Variants in SGCG observed in about 807,000 individuals in gnomAD.
SGCG encodes gamma-sarcoglycan.
Under a neutral mutation model 29.3 loss-of-function variants are expected in SGCG, and 26 were observed. The ratio of observed to expected loss-of-function variants is 0.89; its 90% CI spans 0.65 to 1.23. SGCG has a LOEUF of 1.23. SGCG is among the 50% of genes most tolerant of loss of function. The pLI is 0.00. For synonymous variants in SGCG, 145 were observed against 129.7 expected (o/e 1.12, Z -0.80); for missense variants, 353 against 356.0 (o/e 0.99, Z 0.07).
At chr13:23,319,451 G>A (rs1344730367) in intron 6 of SGCG, among the ~76,000 whole-genome samples, 2 of 152,050 alleles carry the variant, frequency 1.3e-5, no homozygotes, top group Non-Finnish European at 2.9e-5. Context: ...TTCAAAATGT[G>A]GGGCAGGTCA....
intron 3 of SGCG, among the ~76,000 whole-genome samples, chr13:23,239,235 A>G (rs1481540512): frequency 6.6e-6 from 1 of 152,144 alleles, no homozygotes; most frequent in Non-Finnish European, 1.5e-5. Flanking sequence ...CTAGAGAAAA[A>G]GGATATATAA....
the SGCG span, chr13:23,170,524 G>A: frequency 1.3e-5 from 2 of 152,252 alleles, no homozygotes; most frequent in Admixed American, 6.5e-5. Context: ...CTGCCTATGA[G>A]TCTTCAAACA....
chr13:23,214,054 G>T (rs969415445), intron 2 of SGCG, among the ~76,000 whole-genome samples: 1 of 152,166 alleles, frequency 6.6e-6, no homozygotes. Flanking sequence ...CTTAAAGCTT[G>T]AAACTTACAT....
Position 23,284,583 on chromosome 13 carries a change from T to A in SGCG, c.505+5105T>A, listed in dbSNP as rs1881426771. On this transcript the variant is annotated intron_variant, in intron 5 of 7. Coordinates refer to ENST00000218867, the MANE Select transcript of SGCG (RefSeq NM_000231.3). The stretch of plus-strand genomic sequence containing the variant: ...TTAGCTCAGACAAGCTTGTTATTAC[T>A]CACCTTCTGAAGCCTACTTCTGTTC... Among the ~76,000 whole-genome samples, 4 of 152,222 alleles carry A rather than the reference T, an allele frequency of 2.6e-5. No homozygotes were observed. The South Asian group carries it at 8.3e-4, about 32-fold the overall frequency.
chr13:23,258,979 G>A (rs989345090), intron 4 of SGCG, among the ~76,000 whole-genome samples: 1 of 152,102 alleles, frequency 6.6e-6, no homozygotes, highest in African/African-American at 2.4e-5. Flanking sequence ...TTGCATCGAT[G>A]TTCATCAGGG....
At chr13:23,262,903 G>T (rs1329358210) in intron 4 of SGCG, among the ~76,000 whole-genome samples, 2 of 152,000 alleles carry the variant, frequency 1.3e-5, no homozygotes, top group African/African-American at 2.4e-5. Context: ...GCTCCTGAAT[G>T]ATTTTGGGGT....
At chr13:23,269,874 G>GTTTTTTTTTTTTT (rs796558128) in intron 4 of SGCG, among the ~76,000 whole-genome samples, 1 of 97,510 alleles carries the variant, frequency 1.0e-5, no homozygotes, top group African/African-American at 3.2e-5. Context: ...TGTTTTTTTT[G>GTTTTTTTTTTTTT]TTTTTTTTGT....
At chr13:23,165,088 G>T in the SGCG span, among the ~76,000 whole-genome samples, 7 of 152,198 alleles carry the variant, frequency 4.6e-5, no homozygotes, top group African/African-American at 1.7e-4. Context: ...AGGACTTTCT[G>T]AGAGAGATGG....
chr13:23,216,089 A>T (rs1264263266), intron 2 of SGCG, among the ~76,000 whole-genome samples: 1 of 152,198 alleles, frequency 6.6e-6, no homozygotes, highest in Non-Finnish European at 1.5e-5. Flanking sequence ...CAGAATTATC[A>T]TGGACATTCC....
intron 2 of SGCG, among the ~76,000 whole-genome samples, chr13:23,222,490 C>CT (rs36174998): frequency 4.0e-5 from 5 of 124,512 alleles, no homozygotes; most frequent in East Asian, 2.5e-4. Context: ...TCAATCAGCA[C>CT]TTTTTTTTAC....
chr13:23,174,999 A>G, the SGCG span, among the ~76,000 whole-genome samples: 4 of 152,178 alleles, frequency 2.6e-5, no homozygotes. Flanking sequence ...GCAACAGTGC[A>G]CTCAGTTAAA....
At chr13:23,200,467 A>G (rs1877698793) in intron 1 of SGCG, among the ~76,000 whole-genome samples, 1 of 152,290 alleles carries the variant, frequency 6.6e-6, no homozygotes, top group East Asian at 1.9e-4. Context: ...TTTTCCTTTC[A>G]ACATTTGTAT....
chr13:23,223,170 C>T (rs1450262667), intron 2 of SGCG, among the ~76,000 whole-genome samples: 1 of 150,564 alleles, frequency 6.6e-6, no homozygotes, highest in African/African-American at 2.4e-5. Flanking sequence ...TCCAGCTACT[C>T]TGGAGGCTGA....
chr13:23,160,634 A>G, the SGCG span, among the ~76,000 whole-genome samples: 1 of 152,132 alleles, frequency 6.6e-6, no homozygotes, highest in East Asian at 1.9e-4. Context: ...CGGGACTCCA[A>G]GAAGTACAGC....
At chr13:23,188,480 A>ATTTT (rs71218545) in intron 1 of SGCG, among the ~76,000 whole-genome samples, 20 of 120,472 alleles carry the variant, frequency 1.7e-4, no homozygotes, top group African/African-American at 4.6e-4. Flanking sequence ...CGCCTGCCTA[A>ATTTT]TTTTTTTTTT....
At chr13:23,221,293 G>C (rs1207951342) in intron 2 of SGCG, among the ~76,000 whole-genome samples, 1 of 152,170 alleles carries the variant, frequency 6.6e-6, no homozygotes, top group African/African-American at 2.4e-5. Context: ...CCTAGGAATT[G>C]TTGGTGTGAA....
chr13:23,310,773 TGTC>T (rs1275808817), intron 6 of SGCG, among the ~76,000 whole-genome samples: 2 of 152,290 alleles, frequency 1.3e-5, no homozygotes, highest in South Asian at 4.1e-4. Context: ...TTTCAATGAT[TGTC>T]TTTTGTTTAT....
upstream of SGCG, among the ~76,000 whole-genome samples, chr13:23,178,134 C>T (rs1036346124): frequency 1.3e-5 from 2 of 152,174 alleles, no homozygotes; most frequent in Non-Finnish European, 2.9e-5. Context: ...TACCTGTTCT[C>T]ATCATTCCTC....
the SGCG span, among the ~76,000 whole-genome samples, chr13:23,169,295 C>T: frequency 6.6e-6 from 1 of 151,728 alleles, no homozygotes. Flanking sequence ...CACCTTCTCT[C>T]CTCATTTTTA....
Sources: allele counts gnomAD v4.1 joint callset (sites outside exome capture counted in the v4.1 genomes callset), GRCh38; gene constraint gnomAD v4.1.1; transcripts MANE v1.5; gene names NCBI Gene and HGNC (gene_info 2026-07-23, HGNC 2026-07-21).